The following KALRN variants were observed in gnomAD, a reference collection of about 807,000 sequenced individuals.
The protein encoded by KALRN is kalirin RhoGEF kinase.
A neutral mutation model predicts 353.7 loss-of-function variants in KALRN; 70 were observed. The ratio of observed to expected loss-of-function variants is 0.20; its 90% CI spans 0.16 to 0.24. KALRN has a LOEUF of 0.24. Among genes scored for constraint, KALRN ranks in the 10% least tolerant of loss-of-function variants. KALRN has a pLI of 1.00. For missense variants in KALRN, 2,791 were observed against 3,756.7 expected, an observed-to-expected ratio of 0.74 and a Z score of 6.72; for synonymous variants, 1,391 against 1,434.8, an observed-to-expected ratio of 0.97 and a Z score of 0.69.
At chr3:124,308,195 A>C (rs1174882082) in intron 6 of KALRN, among the ~76,000 whole-genome samples, 2 of 152,074 alleles carry the variant, frequency 1.3e-5, no homozygotes, top group Non-Finnish European at 2.9e-5. Context: ...GAAATGAAGC[A>C]AGAAATATAC....
intron 2 of KALRN, among the ~76,000 whole-genome samples, chr3:124,231,711 A>ATT (rs71145439): frequency 7.4e-5 from 11 of 149,248 alleles, no homozygotes; most frequent in East Asian, 2.0e-4. Context: ...AAAGAACTTT[A>ATT]TTTTTTTTTT....
At chr3:124,241,369 T>C (rs998704496) in intron 3 of KALRN, among the ~76,000 whole-genome samples, 1 of 152,186 alleles carries the variant, frequency 6.6e-6, no homozygotes, top group African/African-American at 2.4e-5. Flanking sequence ...TTAAACATAA[T>C]TTAGAGTGAA....
chr3:124,542,933 G>A (rs1246232292), intron 33 of KALRN, among the ~76,000 whole-genome samples: 2 of 152,208 alleles, frequency 1.3e-5, no homozygotes, highest in Admixed American at 1.3e-4. Flanking sequence ...TTGTGAGGCG[G>A]TAGTCAAGGT....
chr3:124,588,073 T>C (rs920056265), intron 34 of KALRN, among the ~76,000 whole-genome samples: 1 of 152,070 alleles, frequency 6.6e-6, no homozygotes, highest in Non-Finnish European at 1.5e-5. Context: ...AAACTGGTGT[T>C]GAAAGGCAGG....
At chr3:124,163,938 T>C (rs964939402) in intron 1 of KALRN, 1 of 985,474 alleles carries the variant, frequency 1.0e-6, no homozygotes, top group Non-Finnish European at 1.2e-6. Context: ...GTAGCTTTCA[T>C]AGCTCACAGT....
At chr3:124,152,054 C>T (rs1363830069) in intron 1 of KALRN, 8 of 1,388,108 alleles carry the variant, frequency 5.8e-6, no homozygotes, top group Non-Finnish European at 8.1e-6. Flanking sequence ...CATTCTGTCT[C>T]ATGGAGAAGA....
intron 33 of KALRN, among the ~76,000 whole-genome samples, chr3:124,497,507 C>T (rs2063996621): frequency 6.6e-6 from 1 of 152,168 alleles, no homozygotes; most frequent in African/African-American, 2.4e-5. Context: ...CCCGAACCTG[C>T]TGAAATTATG....
chr3:124,590,019 T>C (rs7627019), intron 34 of KALRN, among the ~76,000 whole-genome samples: 3,329 of 149,244 alleles, frequency 0.022, 100 homozygotes, highest in African/African-American at 0.081. Context: ...TTCTTTTTTC[T>C]TTTTTTCTTT....
chr3:124,271,086 C>T (rs1265464464), intron 5 of KALRN, among the ~76,000 whole-genome samples: 4 of 152,124 alleles, frequency 2.6e-5, no homozygotes, highest in African/African-American at 7.2e-5. Flanking sequence ...TCACCTTGGC[C>T]TCCCAAAGTG....
intron 34 of KALRN, among the ~76,000 whole-genome samples, chr3:124,572,230 G>A (rs974945527): frequency 2.0e-5 from 3 of 151,756 alleles, no homozygotes; most frequent in Non-Finnish European, 4.4e-5. Flanking sequence ...GTGGAGGTGG[G>A]GGAAGGGCTG....
At chr3:124,619,984 T>A (rs964967551) in intron 34 of KALRN, among the ~76,000 whole-genome samples, 11 of 152,312 alleles carry the variant, frequency 7.2e-5, no homozygotes, top group African/African-American at 2.6e-4. Flanking sequence ...TTTGGTTTTT[T>A]TTTTTTCCAC....
At chr3:124,348,536 G>T (rs2082506091) in intron 10 of KALRN, among the ~76,000 whole-genome samples, 1 of 152,288 alleles carries the variant, frequency 6.6e-6, no homozygotes, top group East Asian at 1.9e-4. Flanking sequence ...TGGGTGGATT[G>T]GACCCAACCT....
At chr3:124,082,291 A>G (rs766161123) in intron 1 of KALRN, 23 of 470,974 alleles carry the variant, frequency 4.9e-5, no homozygotes, top group South Asian at 3.6e-4. Flanking sequence ...AGTATCTTTG[A>G]TGTAATCTCC....
At chr3:124,685,658 C>G (rs2061524034) in intron 51 of KALRN, among the ~76,000 whole-genome samples, 1 of 152,214 alleles carries the variant, frequency 6.6e-6, no homozygotes, top group African/African-American at 2.4e-5. Flanking sequence ...GGGATAATTA[C>G]TTGGCCTCAC....
At chr3:124,249,597 C>A (rs533694980) in intron 3 of KALRN, among the ~76,000 whole-genome samples, 1 of 152,248 alleles carries the variant, frequency 6.6e-6, no homozygotes, top group African/African-American at 2.4e-5. Context: ...CTAACATAGA[C>A]CCTGCCTGTG....
intron 25 of KALRN, among the ~76,000 whole-genome samples, chr3:124,469,719 G>A (rs2107872915): frequency 6.6e-6 from 1 of 152,146 alleles, no homozygotes. Flanking sequence ...TTTTCCCGTT[G>A]CCACAACAGG....
At chr3:124,686,956 C>G (rs1278239277) in intron 51 of KALRN, among the ~76,000 whole-genome samples, 4 of 151,720 alleles carry the variant, frequency 2.6e-5, no homozygotes, top group Non-Finnish European at 5.9e-5. Context: ...TCTGGGACTA[C>G]AGGCACGTGC....
chr3:124,453,092 T>C (rs1178211065), intron 21 of KALRN, among the ~76,000 whole-genome samples: 1 of 152,194 alleles, frequency 6.6e-6, no homozygotes. Context: ...ACTGGAGATA[T>C]ATAAATGAAT....
intron 1 of KALRN, among the ~76,000 whole-genome samples, chr3:124,083,358 G>A (rs1406647158): frequency 6.6e-6 from 1 of 152,166 alleles, no homozygotes; most frequent in Non-Finnish European, 1.5e-5. Context: ...GGCTGGTCCA[G>A]CTGAGTTGGC....
Sources: gnomAD v4.1 joint callset for allele counts (sites outside exome capture counted in the v4.1 genomes callset) on GRCh38, gnomAD v4.1.1 for gene constraint, MANE v1.5 for transcripts, NCBI Gene and HGNC (gene_info 2026-07-23, HGNC 2026-07-21) for gene names.